NINL: variants seen among roughly 807,000 people sequenced by gnomAD.
NINL encodes the protein ninein-like protein.
NINL carries 153 observed loss-of-function variants against 160.3 expected under a neutral mutation model. The ratio of observed to expected loss-of-function variants is 0.95; its 90% CI spans 0.84 to 1.09. The LOEUF is 1.09. Ranked by LOEUF, NINL falls within the 50% of genes least tolerant of loss-of-function variation. The probability of loss-of-function intolerance (pLI) is 0.00; values close to 1 mark genes in which losing one functional copy is unlikely to be tolerated. For missense variants in NINL, 1,829 were observed against 1,764.0 expected, an observed-to-expected ratio of 1.04 and a Z score of -0.66; for synonymous variants, 800 against 734.8, an observed-to-expected ratio of 1.09 and a Z score of -1.43.
intron 23 of NINL, 29 bp from the exon 24 acceptor site, chr20:25,453,671 A>C: frequency 6.4e-7 from 1 of 1,573,446 alleles, no homozygotes; most frequent in Non-Finnish European, 8.6e-7. Flanking sequence ...CATGCTTTGC[A>C]TGAGGCCGGT....
chr20:25,576,254 A>C (rs944583769), intron 1 of NINL, among the ~76,000 whole-genome samples: 1 of 152,112 alleles, frequency 6.6e-6, no homozygotes, highest in Non-Finnish European at 1.5e-5. Flanking sequence ...GTTATGTAGA[A>C]TGTCCCAGAG....
intron 1 of NINL, among the ~76,000 whole-genome samples, chr20:25,567,247 G>A (rs1197179530): frequency 6.6e-6 from 1 of 152,224 alleles, no homozygotes; most frequent in Non-Finnish European, 1.5e-5. Context: ...AAGAATAGGG[G>A]TGGTAGAGTG....
intron 1 of NINL, among the ~76,000 whole-genome samples, chr20:25,528,749 A>T (rs2064400535): frequency 6.6e-6 from 1 of 152,232 alleles, no homozygotes; most frequent in African/African-American, 2.4e-5. Context: ...CAAAAACGGC[A>T]ATTTCATATG....
At chr20:25,479,814 A>G (rs985013800) in intron 15 of NINL, among the ~76,000 whole-genome samples, 1 of 152,218 alleles carries the variant, frequency 6.6e-6, no homozygotes, top group Non-Finnish European at 1.5e-5. Context: ...GGCAAATGCC[A>G]GGTCGCTCAG....
intron 19 of NINL, among the ~76,000 whole-genome samples, chr20:25,465,435 A>T (rs2062888412): frequency 6.6e-6 from 1 of 152,168 alleles, no homozygotes; most frequent in Admixed American, 6.5e-5. Context: ...GGAATAACGT[A>T]GAGTGTGACT....
At chr20:25,492,249 T>A (rs1239137334) in intron 10 of NINL, among the ~76,000 whole-genome samples, 1 of 152,126 alleles carries the variant, frequency 6.6e-6, no homozygotes, top group African/African-American at 2.4e-5. Context: ...GGGAAGAGTA[T>A]GAAGGAAGTA....
chr20:25,478,987 G>A lies in NINL; in HGVS notation c.2137C>T (p.Pro713Ser), dbSNP rs147314770. Residue 713 changes from proline to serine, a missense_variant, in exon 16 of 24, where the codon CCC becomes TCC. Transcript: ENST00000278886. ...CCACACAGTGCCTGGGTGCAGCAGG[G>A]TGCCAGGCCCATCTGCTCAGGCTCG... ...GPEPEQMGLAPCCTQALCGLA... is the reference protein window; with the variant it reads ...GPEPEQMGLASCCTQALCGLA... 1.7e-4 allele frequency: 277 copies of A among 1,604,948 alleles called. 3 individuals carry two copies. In the East Asian group the frequency reaches 5.6e-3, roughly 33 times the overall value.
At chr20:25,505,131 C>T (rs760778014) in intron 5 of NINL, 53 bp from the exon 6 acceptor site, 22 of 1,454,630 alleles carry the variant, frequency 1.5e-5, no homozygotes, top group South Asian at 2.8e-5. Context: ...CAATGGAGCA[C>T]GACTCAGCCT....
intron 10 of NINL, among the ~76,000 whole-genome samples, chr20:25,493,952 C>G (rs2063693555): frequency 6.6e-6 from 1 of 152,070 alleles, no homozygotes; most frequent in Admixed American, 6.5e-5. Flanking sequence ...TGACTTTTAG[C>G]TTCCCTGAAA....
At chr20:25,486,660 C>T (rs930885237) in intron 13 of NINL, among the ~76,000 whole-genome samples, 1 of 152,120 alleles carries the variant, frequency 6.6e-6, no homozygotes, top group Admixed American at 6.5e-5. Context: ...CAGGGAACAA[C>T]GGCAGGGTGC....
chr20:25,459,957 G>A (rs453329), intron 21 of NINL, among the ~76,000 whole-genome samples: 66,546 of 151,976 alleles, frequency 0.44, 15,276 homozygotes, highest in East Asian at 0.92. Context: ...GAGGCAGAGC[G>A]GCAGATGGGG....
At chr20:25,455,022 C>T (rs894602487) in intron 23 of NINL, among the ~76,000 whole-genome samples, 2 of 152,178 alleles carry the variant, frequency 1.3e-5, no homozygotes, top group African/African-American at 2.4e-5. Context: ...TACCTGAGCC[C>T]TACCAGTTCA....
chr20:25,557,444 T>C (rs1568964809), intron 1 of NINL, among the ~76,000 whole-genome samples: 1 of 151,796 alleles, frequency 6.6e-6, no homozygotes, highest in Admixed American at 6.6e-5. Context: ...GGGAGGTGAA[T>C]TTCTTGAACC....
chr20:25,467,065 G>A (rs571581493), intron 19 of NINL, among the ~76,000 whole-genome samples: 177 of 152,332 alleles, frequency 1.2e-3, no homozygotes, highest in African/African-American at 4.0e-3. Flanking sequence ...GACAGTGCCT[G>A]CCTGCCAGCG....
At chr20:25,527,162 T>C (rs1174831420) in intron 1 of NINL, among the ~76,000 whole-genome samples, 1 of 152,138 alleles carries the variant, frequency 6.6e-6, no homozygotes, top group African/African-American at 2.4e-5. Flanking sequence ...TCTGATTTTT[T>C]TTTTTTTGGG....
chr20:25,578,361 A>G (rs954932520), intron 1 of NINL, among the ~76,000 whole-genome samples: 1 of 152,042 alleles, frequency 6.6e-6, no homozygotes, highest in African/African-American at 2.4e-5. Flanking sequence ...GCCCGCCTCA[A>G]TCTCCCAAAG....
chr20:25,481,515 G>C (rs1161294293), intron 14 of NINL, among the ~76,000 whole-genome samples: 1 of 152,232 alleles, frequency 6.6e-6, no homozygotes, highest in Non-Finnish European at 1.5e-5. Context: ...CGCTCCCTTA[G>C]TGCTTGGTGC....
At chr20:25,531,701 T>G (rs1345373480) in intron 1 of NINL, among the ~76,000 whole-genome samples, 8 of 152,160 alleles carry the variant, frequency 5.3e-5, no homozygotes, top group African/African-American at 1.9e-4. Flanking sequence ...AACCAACCAC[T>G]GTTTCCTCCT....
chr20:25,562,008 C>T (rs556444763), intron 1 of NINL, among the ~76,000 whole-genome samples: 4,011 of 146,996 alleles, frequency 0.027, 135 homozygotes, highest in African/African-American at 0.084. Context: ...CGCCTCTGCC[C>T]GGCCGCCCCT....
Sources: gnomAD v4.1 joint callset for allele counts (sites outside exome capture counted in the v4.1 genomes callset) on GRCh38, gnomAD v4.1.1 for gene constraint, MANE v1.5 for transcripts, NCBI Gene and HGNC (gene_info 2026-07-23, HGNC 2026-07-21) for gene names.